Variants in IQCM observed in about 807,000 individuals in gnomAD.
The protein encoded by IQCM is IQ motif containing M, also known as IQ domain-containing protein M.
A neutral mutation model predicts 57.6 loss-of-function variants in IQCM; 45 were observed. The observed-to-expected ratio is 0.78, with a 90% confidence interval of 0.62 to 1.00. The LOEUF is 1.00. Among genes scored for constraint, IQCM ranks in the 50% least tolerant of loss-of-function variants. IQCM has a pLI of 0.00. For synonymous variants in IQCM, 148 were observed against 158.9 expected (o/e 0.93, Z 0.51); for missense variants, 468 against 511.6 (o/e 0.91, Z 0.82).
intron 13 of IQCM, among the ~76,000 whole-genome samples, chr4:149,390,326 CATTT>C (rs1204418570): frequency 6.6e-6 from 1 of 151,672 alleles, no homozygotes; most frequent in Non-Finnish European, 1.5e-5. Context: ...TGGCTGAATT[CATTT>C]AACAGTAGGA....
intron 12 of IQCM, among the ~76,000 whole-genome samples, chr4:149,522,363 A>G (rs1182572226): frequency 6.6e-6 from 1 of 152,182 alleles, no homozygotes; most frequent in Non-Finnish European, 1.5e-5. Context: ...CCCAAGAGTC[A>G]AGTAGAAGAA....
At chr4:149,568,587 G>A (rs928257064) in intron 9 of IQCM, among the ~76,000 whole-genome samples, 2 of 152,070 alleles carry the variant, frequency 1.3e-5, no homozygotes, top group Non-Finnish European at 2.9e-5. Flanking sequence ...AGGAGTTCAA[G>A]ACCAGCCTGA....
At chr4:149,453,798 T>C (rs931553238) in intron 12 of IQCM, among the ~76,000 whole-genome samples, 4 of 151,866 alleles carry the variant, frequency 2.6e-5, no homozygotes, top group African/African-American at 7.2e-5. Context: ...CAACTTTGCA[T>C]AAGAGTTTGT....
At chr4:149,730,204 GCTTTA>G (rs1766332218) in intron 5 of IQCM, among the ~76,000 whole-genome samples, 1 of 152,104 alleles carries the variant, frequency 6.6e-6, no homozygotes, top group Non-Finnish European at 1.5e-5. Flanking sequence ...TGTGTCTTAT[GCTTTA>G]CTTTATTGTT....
chr4:149,528,514 A>G (rs1203837459), intron 12 of IQCM, among the ~76,000 whole-genome samples: 2 of 152,234 alleles, frequency 1.3e-5, no homozygotes, highest in South Asian at 4.1e-4. Flanking sequence ...TCAAATTCTG[A>G]AAAGATGAGG....
At chr4:149,484,650 T>C (rs1193142015) in intron 12 of IQCM, among the ~76,000 whole-genome samples, 1 of 152,050 alleles carries the variant, frequency 6.6e-6, no homozygotes, top group Admixed American at 6.6e-5. Context: ...CTTTATGTCT[T>C]ACCGTACTAA....
intron 13 of IQCM, among the ~76,000 whole-genome samples, chr4:149,371,250 C>T (rs892684121): frequency 2.0e-5 from 3 of 152,158 alleles, no homozygotes; most frequent in African/African-American, 4.8e-5. Flanking sequence ...CTTTCTACTA[C>T]CAAAGTACTC....
chr4:149,681,253 A>G (rs1003006863), intron 7 of IQCM, among the ~76,000 whole-genome samples: 1 of 151,234 alleles, frequency 6.6e-6, no homozygotes, highest in African/African-American at 2.4e-5. Context: ...ATCAGTTGAG[A>G]CCCATACATT....
intron 7 of IQCM, among the ~76,000 whole-genome samples, chr4:149,659,349 G>A (rs1185667832): frequency 6.6e-6 from 1 of 152,044 alleles, no homozygotes; most frequent in African/African-American, 2.4e-5. Flanking sequence ...ACAAATGGAA[G>A]AACATTCCAT....
At chr4:149,361,364 A>T (rs7665969) in intron 13 of IQCM, among the ~76,000 whole-genome samples, 27,240 of 152,074 alleles carry the variant, frequency 0.18, 2,934 homozygotes, top group Non-Finnish European at 0.25. Context: ...AGTAGCAAGG[A>T]ACCTAATGTT....
In IQCM at chr4:149,474,683, C is replaced by T. The variant is rs1753626393; in HGVS notation, c.1229-41126G>A. Among the ~76,000 whole-genome samples the T allele has an allele frequency of 2.0e-5, 3 of 151,982 alleles. No homozygotes were observed. The South Asian group carries it at 6.2e-4, about 32-fold the overall frequency. On this transcript the variant is annotated intron_variant, in intron 12 of 13. Transcript: ENST00000636793. ...AGTGAGCCGAGATCGTGTCCTTGTA[C>T]TCCAGCCTGGGCAACAAGAGTGAAA... is the stretch of plus-strand genomic sequence containing the variant.
intron 2 of IQCM, among the ~76,000 whole-genome samples, chr4:149,802,561 T>C (rs1406648569): frequency 6.6e-6 from 1 of 151,986 alleles, no homozygotes; most frequent in Non-Finnish European, 1.5e-5. Context: ...AACCTGCTTG[T>C]AACAAAAGCT....
intron 2 of IQCM, among the ~76,000 whole-genome samples, chr4:149,777,422 GC>G (rs1282786474): frequency 1.3e-5 from 2 of 152,136 alleles, no homozygotes; most frequent in Admixed American, 6.5e-5. Context: ...CATTTTATAT[GC>G]CTGTTTTTCA....
chr4:149,609,296 T>G, intron 8 of IQCM, among the ~76,000 whole-genome samples: 1 of 151,904 alleles, frequency 6.6e-6, no homozygotes, highest in East Asian at 1.9e-4. Context: ...TTCACTGTTG[T>G]ATTCTACCAA....
At chr4:149,462,374 T>C (rs925054342) in intron 12 of IQCM, among the ~76,000 whole-genome samples, 6 of 152,114 alleles carry the variant, frequency 3.9e-5, no homozygotes, top group Admixed American at 2.6e-4. Flanking sequence ...TAATGATAAA[T>C]AACTACACAG....
At chr4:149,679,173 T>C (rs754146409) in intron 7 of IQCM, among the ~76,000 whole-genome samples, 44 of 151,820 alleles carry the variant, frequency 2.9e-4, no homozygotes, top group Non-Finnish European at 4.9e-4. Context: ...TGACACATAT[T>C]ATGCACAATG....
rs558262804 is a variant in IQCM, at chr4:149,564,707, A to G, written c.750-817T>C. On this transcript the variant is annotated intron_variant, in intron 9 of 13. Transcript: ENST00000636793. ...GTTGCCTCCTCAAACATCAGACTCC[A>G]GGTCCTTCAGTCTTGAAATCCGACT... Among the ~76,000 whole-genome samples the G allele has an allele frequency of 7.2e-5, 11 of 152,248 alleles. No homozygotes were observed. In the South Asian group the frequency reaches 2.1e-3, roughly 29 times the overall value.
chr4:149,723,944 T>G lies in IQCM; in HGVS notation c.385+9300A>C, dbSNP rs149889111. 4.8e-3 allele frequency among the ~76,000 whole-genome samples: 728 copies of G among 152,058 alleles called. 12 individuals carry two copies. Among genetic ancestry groups the G allele is most frequent in the African/African-American group, 0.016 (683 of 41,536 alleles). ...TTTTTTTTTTCCTTCCTGGGAGATT[T>G]TTTTTAAATTACTGATTAAATTTCA... On this transcript the variant is annotated intron_variant, in intron 5 of 13. Coordinates refer to ENST00000636793, the MANE Select transcript of IQCM (RefSeq NM_001363507.2).
intron 8 of IQCM, among the ~76,000 whole-genome samples, chr4:149,593,384 C>T (rs1753412119): frequency 6.6e-6 from 1 of 152,066 alleles, no homozygotes; most frequent in African/African-American, 2.4e-5. Context: ...TCTAAATATA[C>T]AATCATATCA....
Sources: allele counts gnomAD v4.1 joint callset (sites outside exome capture counted in the v4.1 genomes callset), GRCh38; gene constraint gnomAD v4.1.1; transcripts MANE v1.5; gene names NCBI Gene and HGNC (gene_info 2026-07-23, HGNC 2026-07-21).